The following TMEM161B variants were observed in gnomAD, a reference collection of about 807,000 sequenced individuals.
The protein encoded by TMEM161B is transmembrane protein 161B.
In TMEM161B, 34 loss-of-function variants were observed where a neutral mutation model predicts 61.8. The ratio of observed to expected loss-of-function variants is 0.55; its 90% CI spans 0.42 to 0.73. The LOEUF (loss-of-function observed/expected upper bound fraction) is 0.73, where lower values mean the gene tolerates loss of function less well. Ranked by LOEUF, TMEM161B falls within the 30% of genes least tolerant of loss-of-function variation. TMEM161B has a pLI of 0.00. For missense variants in TMEM161B, 456 were observed against 558.5 expected (o/e 0.82, Z 1.85); for synonymous variants, 167 against 192.8 (o/e 0.87, Z 1.11).
At position 88,224,592 on chromosome 5, in the gene TMEM161B, G is replaced by A. The variant is rs1209172856; in HGVS notation, c.289+1177C>T. Among the ~76,000 whole-genome samples, 4 of 152,248 alleles carry A rather than the reference G, an allele frequency of 2.6e-5. No homozygotes were observed. In the South Asian group the frequency reaches 6.2e-4, roughly 24 times the overall value. ...TTTTTCTGATTTGTAATCCAGTTCA[G>A]TATTCTAAAACCATTTTCCTTTCTA... On this transcript the variant is annotated intron_variant, in intron 4 of 11. Transcript: ENST00000296595.
Position 88,220,669 on chromosome 5 carries a change from CA to C in TMEM161B, c.339del (p.Ala114LeufsTer6). 1 of 1,559,782 alleles carries C rather than the reference CA, an allele frequency of 6.4e-7. No homozygotes were observed. ...TCAGTTACTAGATACACAACTGTAGCAGCCACTGTGAAATCCACCAGCCACT... is the reference window on the plus strand; with the variant it reads ...TCAGTTACTAGATACACAACTGTAGCGCCACTGTGAAATCCACCAGCCACT... ...EYQWLVDFTV[A>X]ATVVYLVTEV... On this transcript the variant is annotated frameshift_variant, in exon 5 of 12. Coordinates refer to ENST00000296595, the MANE Select transcript of TMEM161B (RefSeq NM_153354.5). LOFTEE classifies it high-confidence loss of function.
chr5:88,207,646 T>A (rs1745779315), intron 5 of TMEM161B, among the ~76,000 whole-genome samples: 2 of 152,072 alleles, frequency 1.3e-5, no homozygotes, highest in South Asian at 2.1e-4. Context: ...TAAGAAAAAA[T>A]CTTTAGAGAA....
At chr5:88,266,482 G>C (rs956076150) in intron 1 of TMEM161B, among the ~76,000 whole-genome samples, 2 of 152,224 alleles carry the variant, frequency 1.3e-5, no homozygotes, top group Non-Finnish European at 2.9e-5. Flanking sequence ...AAAATGTTGA[G>C]TAGTCATGGA....
chr5:88,199,607 G>A (rs1422259172), intron 9 of TMEM161B: 1 of 152,432 alleles, frequency 6.6e-6, no homozygotes, highest in Non-Finnish European at 1.5e-5. Flanking sequence ...GGGACCACTG[G>A]AAAATCAAAA....
At chr5:88,208,789 C>CT (rs1360061561) in intron 5 of TMEM161B, among the ~76,000 whole-genome samples, 3 of 152,180 alleles carry the variant, frequency 2.0e-5, no homozygotes, top group East Asian at 3.8e-4. Context: ...GTGCACGTAA[C>CT]TATTGATTAC....
chr5:88,193,079 C>G (rs1749125362), downstream of TMEM161B, among the ~76,000 whole-genome samples: 1 of 151,968 alleles, frequency 6.6e-6, no homozygotes, highest in South Asian at 2.1e-4. Context: ...TCATTTTACG[C>G]ACATCAATTG....
In TMEM161B at chr5:88,233,875, G is replaced by A. The variant is rs1751405900; in HGVS notation, c.108-5347C>T. Among the ~76,000 whole-genome samples, 3 of 151,988 alleles carry A rather than the reference G, an allele frequency of 2.0e-5. No homozygotes were observed. In the South Asian group the frequency reaches 6.2e-4, roughly 32 times the overall value. ...ATCTGCAGTTCAGAGATAATTTGAG[G>A]TGATTACATAATTGTGGCACCTAAA... On this transcript the variant is annotated intron_variant, in intron 2 of 11. Coordinates refer to ENST00000296595, the MANE Select transcript of TMEM161B (RefSeq NM_153354.5).
At chr5:88,247,591 T>C (rs1032903240) in intron 1 of TMEM161B, among the ~76,000 whole-genome samples, 3 of 152,156 alleles carry the variant, frequency 2.0e-5, no homozygotes, top group Admixed American at 6.6e-5. Flanking sequence ...CAGCAAGATA[T>C]GTTGAGACAG....
chr5:88,225,460 G>C (rs912647349), intron 4 of TMEM161B, among the ~76,000 whole-genome samples: 1 of 152,070 alleles, frequency 6.6e-6, no homozygotes, highest in African/African-American at 2.4e-5. Flanking sequence ...ATTAGAAAAG[G>C]GCAGACTGAA....
chr5:88,254,699 G>A (rs1754747842), intron 1 of TMEM161B, among the ~76,000 whole-genome samples: 1 of 152,008 alleles, frequency 6.6e-6, no homozygotes, highest in Non-Finnish European at 1.5e-5. Flanking sequence ...AAAATTAGCT[G>A]AGTATGGTGG....
chr5:88,230,243 T>TGAGTACCCA (rs2112590180), intron 2 of TMEM161B, among the ~76,000 whole-genome samples: 1 of 152,258 alleles, frequency 6.6e-6, no homozygotes, highest in Non-Finnish European at 1.5e-5. Flanking sequence ...ACTGGCAATC[T>TGAGTACCCA]GAGTACCCAC....
At chr5:88,208,202 T>C (rs1047745962) in intron 5 of TMEM161B, among the ~76,000 whole-genome samples, 3 of 151,002 alleles carry the variant, frequency 2.0e-5, no homozygotes, top group African/African-American at 7.3e-5. Flanking sequence ...ATACAAAAAT[T>C]GCCGGGCGTG....
At chr5:88,210,956 T>C (rs1162924421) in intron 5 of TMEM161B, among the ~76,000 whole-genome samples, 1 of 152,146 alleles carries the variant, frequency 6.6e-6, no homozygotes. Context: ...GGCTTTGTGG[T>C]CCATATGCAG....
chr5:88,207,783 T>A (rs1006042457), intron 5 of TMEM161B, among the ~76,000 whole-genome samples: 1 of 152,196 alleles, frequency 6.6e-6, no homozygotes, highest in Non-Finnish European at 1.5e-5. Flanking sequence ...CAAGGTTAAA[T>A]CAGTGCATGG....
chr5:88,268,806 A>T lies in TMEM161B; in HGVS notation c.-83T>A. 5 of 1,606,918 alleles carry T rather than the reference A, an allele frequency of 3.1e-6. No homozygotes were observed. In the South Asian group the frequency reaches 5.5e-5, roughly 18 times the overall value. On this transcript the variant is annotated 5_prime_UTR_variant, in exon 1 of 12. Transcript: ENST00000296595. ...CTCTTACCTCCCGGTCCTTGAGCCG[A>T]GAGACTCTCAAACAGCGAAAGAGAG... is the stretch of plus-strand genomic sequence containing the variant.
rs1282086683 is a variant in TMEM161B, at chr5:88,196,244, C to A, written c.1431G>T (p.Gly477=). ...CAGTCAGATACTGGTGATAGAAAAG[C>A]CCAAAAAGGCTTGTAGAAAAGAGGC... is the stretch of plus-strand genomic sequence containing the variant. The part of the protein sequence containing the change: ...AACLFSTSLF[G]LFYHQYLTVA The change falls in exon 12 of 12, where the codon GGG becomes GGT. Residue 477 remains glycine, a synonymous_variant. Transcript: ENST00000296595. 6.2e-7 allele frequency: 1 copy of A among 1,611,980 alleles called. No homozygotes were observed. Among genetic ancestry groups the A allele is most frequent in the Non-Finnish European group, 8.5e-7 (1 of 1,179,004 alleles).
downstream of TMEM161B, among the ~76,000 whole-genome samples, chr5:88,189,152 C>T (rs962559103): frequency 1.3e-5 from 2 of 152,126 alleles, no homozygotes; most frequent in African/African-American, 4.8e-5. Flanking sequence ...ACTTCCTGGG[C>T]TGCATACCTT....
At chr5:88,223,838 A>G (rs982195940) in intron 4 of TMEM161B, among the ~76,000 whole-genome samples, 2 of 152,058 alleles carry the variant, frequency 1.3e-5, no homozygotes, top group South Asian at 2.1e-4. Context: ...GCAGTGAGCC[A>G]AGATAGCACC....
intron 11 of TMEM161B, among the ~76,000 whole-genome samples, chr5:88,196,964 A>G (rs1473809899): frequency 6.6e-6 from 1 of 152,148 alleles, no homozygotes; most frequent in African/African-American, 2.4e-5. Flanking sequence ...TGGATAGGAT[A>G]TGAGCCACTT....
Sources: allele counts gnomAD v4.1 joint callset (sites outside exome capture counted in the v4.1 genomes callset), GRCh38; gene constraint gnomAD v4.1.1; transcripts MANE v1.5; gene names NCBI Gene and HGNC (gene_info 2026-07-23, HGNC 2026-07-21).